The following FRMPD4 variants were observed in gnomAD, a reference collection of about 807,000 sequenced individuals.
FRMPD4 encodes FERM and PDZ domain-containing protein 4.
FRMPD4 carries 22 observed loss-of-function variants against 94.1 expected under a neutral mutation model. The ratio of observed to expected loss-of-function variants is 0.23; its 90% CI spans 0.17 to 0.33. FRMPD4 has a LOEUF of 0.33. Among genes scored for constraint, FRMPD4 ranks in the 10% least tolerant of loss-of-function variants. The pLI is 1.00. For synonymous variants in FRMPD4, 631 were observed against 548.6 expected (o/e 1.15, Z -2.10); for missense variants, 1,111 against 1,339.9 (o/e 0.83, Z 2.67).
chrX:12,247,920 A>G (rs759043363), intron 1 of FRMPD4, among the ~76,000 whole-genome samples: 2 of 112,296 alleles, frequency 1.8e-5, no homozygotes, highest in South Asian at 7.5e-4. Context: ...GGTCTCTTGA[A>G]TCTTAACCTG....
At chrX:12,461,522 G>A (rs943523127) in intron 1 of FRMPD4, among the ~76,000 whole-genome samples, 1 of 111,866 alleles carries the variant, frequency 8.9e-6, no homozygotes, top group Non-Finnish European at 1.9e-5. Flanking sequence ...CAATGTCATA[G>A]TGAATTCCCT....
At chrX:12,139,581 C>T (rs770732520) in intron 1 of FRMPD4, among the ~76,000 whole-genome samples, 4 of 108,498 alleles carry the variant, frequency 3.7e-5, no homozygotes, top group East Asian at 5.7e-4. Flanking sequence ...TCTTAAGCCT[C>T]GAAAGATTTA....
At chrX:12,536,098 A>G (rs2058336474) in intron 2 of FRMPD4, among the ~76,000 whole-genome samples, 1 of 106,684 alleles carries the variant, frequency 9.4e-6, no homozygotes. Context: ...TCATATATAT[A>G]ATACAACTGG....
At chrX:12,548,581 C>G (rs1419591772) in intron 2 of FRMPD4, among the ~76,000 whole-genome samples, 1 of 112,865 alleles carries the variant, frequency 8.9e-6, no homozygotes, top group East Asian at 2.8e-4. Context: ...ATTCCACCCT[C>G]TACTGTCCCT....
At chrX:12,680,517 G>A (rs898246337) in intron 5 of FRMPD4, among the ~76,000 whole-genome samples, 1 of 112,326 alleles carries the variant, frequency 8.9e-6, no homozygotes, top group African/African-American at 3.2e-5. Flanking sequence ...GTAGCCTTCA[G>A]ACTTGGAGAG....
chrX:11,838,611 C>T (rs1427059417), intron 1 of FRMPD4, among the ~76,000 whole-genome samples: 1 of 111,078 alleles, frequency 9.0e-6, no homozygotes, highest in Admixed American at 9.6e-5. Flanking sequence ...TCCCTTGAGC[C>T]CATTTGTAGT....
At chrX:12,591,182 C>T (rs755059845) in intron 2 of FRMPD4, among the ~76,000 whole-genome samples, 1 of 112,071 alleles carries the variant, frequency 8.9e-6, no homozygotes, top group South Asian at 3.8e-4. Context: ...GATTAGCACA[C>T]ATTTTGTATA....
At chrX:12,585,591 C>G (rs976207767) in intron 2 of FRMPD4, among the ~76,000 whole-genome samples, 1 of 111,971 alleles carries the variant, frequency 8.9e-6, no homozygotes, top group Admixed American at 9.5e-5. Flanking sequence ...CACCCAGACT[C>G]TTATGAAAAA....
chrX:12,181,082 A>G (rs1245029568), intron 1 of FRMPD4, among the ~76,000 whole-genome samples: 1 of 111,656 alleles, frequency 9.0e-6, no homozygotes, highest in Non-Finnish European at 1.9e-5. Flanking sequence ...GGGGGTTTGC[A>G]TTCAATCTGG....
At chrX:12,183,293 A>T (rs1018682882) in intron 1 of FRMPD4, among the ~76,000 whole-genome samples, 1 of 111,353 alleles carries the variant, frequency 9.0e-6, no homozygotes, top group African/African-American at 3.3e-5. Flanking sequence ...ACAAGTTATC[A>T]ATGCATAATA....
At chrX:12,559,281 A>G (rs769628127) in intron 2 of FRMPD4, among the ~76,000 whole-genome samples, 51 of 112,222 alleles carry the variant, frequency 4.5e-4, no homozygotes, top group African/African-American at 1.6e-3. Context: ...GAACAAGAAT[A>G]TGGGAGGTGT....
At chrX:12,479,141 A>G (rs918072503) in intron 1 of FRMPD4, among the ~76,000 whole-genome samples, 6 of 110,446 alleles carry the variant, frequency 5.4e-5, no homozygotes, top group African/African-American at 2.0e-4. Flanking sequence ...CATAAACCAA[A>G]TTTATGATTT....
At chrX:12,674,313 G>A (rs771214342) in intron 4 of FRMPD4, among the ~76,000 whole-genome samples, 2 of 111,639 alleles carry the variant, frequency 1.8e-5, no homozygotes, top group Admixed American at 9.5e-5. Flanking sequence ...CACAGTATGG[G>A]AACCGATGTT....
At chrX:12,418,310 C>G (rs1233113478) in intron 1 of FRMPD4, among the ~76,000 whole-genome samples, 1 of 107,666 alleles carries the variant, frequency 9.3e-6, no homozygotes, top group Non-Finnish European at 1.9e-5. Context: ...CTAGGCCCAG[C>G]CGATGACTCA....
At chrX:12,314,290 G>A (rs2055079824) in intron 1 of FRMPD4, among the ~76,000 whole-genome samples, 1 of 112,301 alleles carries the variant, frequency 8.9e-6, no homozygotes, top group African/African-American at 3.2e-5. Flanking sequence ...AGAACTCAGG[G>A]TAACTTGGAA....
chrX:11,927,903 T>C (rs756822276), intron 3 of FRMPD4, among the ~76,000 whole-genome samples: 2 of 111,773 alleles, frequency 1.8e-5, no homozygotes, highest in Admixed American at 9.5e-5. Flanking sequence ...AATTGACAAA[T>C]GGGACCTAAT....
At chrX:12,472,837 T>C (rs1380496686) in intron 1 of FRMPD4, among the ~76,000 whole-genome samples, 6 of 111,396 alleles carry the variant, frequency 5.4e-5, no homozygotes, top group African/African-American at 2.0e-4. Flanking sequence ...CTACGTCTGA[T>C]TGGTGTACCT....
At chrX:11,944,817 G>A (rs1470803309) in intron 3 of FRMPD4, among the ~76,000 whole-genome samples, 1 of 111,922 alleles carries the variant, frequency 8.9e-6, no homozygotes, top group Non-Finnish European at 1.9e-5. Flanking sequence ...CCCAAACTGT[G>A]ATTATGCTCC....
intron 3 of FRMPD4, among the ~76,000 whole-genome samples, chrX:11,902,844 C>T (rs1005140905): frequency 2.7e-5 from 3 of 111,494 alleles, no homozygotes; most frequent in East Asian, 2.8e-4. Context: ...AAAGAGCAAA[C>T]GTGAGGGCAG....
Sources: allele counts gnomAD v4.1 joint callset (sites outside exome capture counted in the v4.1 genomes callset), GRCh38; gene constraint gnomAD v4.1.1; transcripts MANE v1.5; gene names NCBI Gene and HGNC (gene_info 2026-07-23, HGNC 2026-07-21).